The following HEMK2 variants were observed in gnomAD, a reference collection of about 807,000 sequenced individuals.
The protein encoded by HEMK2 is HemK methyltransferase 2, ETF1 glutamine and histone H4 lysine.
chr21:28,640,707 A>G, the HEMK2 span, among the ~76,000 whole-genome samples: 24,264 of 116,928 alleles, frequency 0.21, 2,226 homozygotes, highest in South Asian at 0.33. Flanking sequence ...AACAAATCCA[A>G]TCCTCTAGGA....
the HEMK2 span, among the ~76,000 whole-genome samples, chr21:28,792,398 TG>T: frequency 3.3e-5 from 5 of 152,134 alleles, no homozygotes; most frequent in African/African-American, 1.2e-4. Flanking sequence ...ACCCCTCTCT[TG>T]GGATCTGGAT....
the HEMK2 span, among the ~76,000 whole-genome samples, chr21:28,877,156 GAAAGAGAA>G: frequency 1.8e-3 from 203 of 112,710 alleles, 4 homozygotes; most frequent in African/African-American, 6.2e-3. Flanking sequence ...GAGAGAGAAA[GAAAGAGAA>G]AGAAAGAAAG....
chr21:28,621,780 A>G, the HEMK2 span, among the ~76,000 whole-genome samples: 1 of 152,198 alleles, frequency 6.6e-6, no homozygotes, highest in Non-Finnish European at 1.5e-5. Context: ...CAATGGTGGA[A>G]TGTCATCAGT....
chr21:28,849,492 C>T, the HEMK2 span, among the ~76,000 whole-genome samples: 5 of 152,166 alleles, frequency 3.3e-5, no homozygotes, highest in African/African-American at 1.2e-4. Context: ...CAAATGTCTG[C>T]ACTAGTTCCC....
chr21:28,876,442 T>C, the HEMK2 span: 2 of 1,612,336 alleles, frequency 1.2e-6, no homozygotes, highest in South Asian at 2.2e-5. Context: ...GTCTGGAAAG[T>C]GCAGTGGTTC....
chr21:28,713,103 C>T, the HEMK2 span, among the ~76,000 whole-genome samples: 1 of 152,196 alleles, frequency 6.6e-6, no homozygotes, highest in East Asian at 1.9e-4. Flanking sequence ...GGCATCACCA[C>T]AGGCTGAGTT....
chr21:28,764,629 G>A, the HEMK2 span, among the ~76,000 whole-genome samples: 15 of 152,090 alleles, frequency 9.9e-5, no homozygotes, highest in African/African-American at 2.9e-4. Flanking sequence ...AGAGAATAGC[G>A]AGGGCATCTG....
At chr21:28,767,956 C>T in the HEMK2 span, among the ~76,000 whole-genome samples, 4 of 151,974 alleles carry the variant, frequency 2.6e-5, no homozygotes, top group African/African-American at 4.8e-5. Flanking sequence ...AGCGACCCCC[C>T]TTTTTTTGTT....
At chr21:28,831,468 A>AAAAGAAAGAAAAGAAAGT in the HEMK2 span, among the ~76,000 whole-genome samples, 2 of 29,244 alleles carry the variant, frequency 6.8e-5, 1 homozygote, top group Non-Finnish European at 1.1e-4. Flanking sequence ...AGAACGAAAG[A>AAAAGAAAGAAAAGAAAGT]AAGAAAGAAA....
the HEMK2 span, among the ~76,000 whole-genome samples, chr21:28,789,228 G>A: frequency 6.6e-6 from 1 of 152,134 alleles, no homozygotes; most frequent in Non-Finnish European, 1.5e-5. Context: ...TTCTATATGT[G>A]GCAACCTTGG....
chr21:28,836,298 A>C, the HEMK2 span, among the ~76,000 whole-genome samples: 1 of 152,168 alleles, frequency 6.6e-6, no homozygotes, highest in Admixed American at 6.5e-5. Context: ...CTCAACAGAA[A>C]CCCTACAAGC....
At chr21:28,623,534 CAT>C in the HEMK2 span, among the ~76,000 whole-genome samples, 8 of 152,170 alleles carry the variant, frequency 5.3e-5, no homozygotes, top group Non-Finnish European at 1.2e-4. Context: ...CACATGCACA[CAT>C]ATGTTTATTA....
the HEMK2 span, among the ~76,000 whole-genome samples, chr21:28,592,046 A>G: frequency 6.6e-6 from 1 of 152,158 alleles, no homozygotes; most frequent in African/African-American, 2.4e-5. Flanking sequence ...GAACAATTAT[A>G]TTCTTGTGGG....
At chr21:28,725,027 G>A in the HEMK2 span, among the ~76,000 whole-genome samples, 7 of 151,932 alleles carry the variant, frequency 4.6e-5, no homozygotes, top group African/African-American at 1.7e-4. Flanking sequence ...CAAGCAATCC[G>A]CCCTCCTTGA....
the HEMK2 span, among the ~76,000 whole-genome samples, chr21:28,751,006 G>T: frequency 6.6e-6 from 1 of 152,014 alleles, no homozygotes; most frequent in Non-Finnish European, 1.5e-5. Context: ...CGAGGCGGGC[G>T]GATCACAAGG....
chr21:28,626,388 T>C, the HEMK2 span, among the ~76,000 whole-genome samples: 10 of 152,184 alleles, frequency 6.6e-5, no homozygotes, highest in African/African-American at 2.2e-4. Context: ...ATAGAGCAAA[T>C]AAAATAAATC....
the HEMK2 span, among the ~76,000 whole-genome samples, chr21:28,794,992 C>A: frequency 6.6e-6 from 1 of 152,058 alleles, no homozygotes; most frequent in Admixed American, 6.6e-5. Flanking sequence ...TTAGGTTCTG[C>A]CATTTTTCTG....
chr21:28,654,343 T>C, the HEMK2 span, among the ~76,000 whole-genome samples: 1 of 152,176 alleles, frequency 6.6e-6, no homozygotes, highest in African/African-American at 2.4e-5. Flanking sequence ...TGTTGAAGTC[T>C]ACTAACAGCT....
the HEMK2 span, among the ~76,000 whole-genome samples, chr21:28,819,081 A>T: frequency 6.6e-6 from 1 of 152,208 alleles, no homozygotes; most frequent in Non-Finnish European, 1.5e-5. Context: ...CGTTACCCTC[A>T]GTTAGTGAAT....
Sources: allele counts gnomAD v4.1 joint callset (sites outside exome capture counted in the v4.1 genomes callset), GRCh38; gene constraint gnomAD v4.1.1; transcripts MANE v1.5; gene names NCBI Gene and HGNC (gene_info 2026-07-23, HGNC 2026-07-21).